Variants in MINDY3 observed in about 807,000 individuals in gnomAD.
MINDY3 encodes ubiquitin carboxyl-terminal hydrolase MINDY-3.
In MINDY3, 38 loss-of-function variants were observed where a neutral mutation model predicts 69.2. The observed-to-expected ratio is 0.55, with a 90% CI of 0.42 to 0.72. The LOEUF is 0.72. Ranked by LOEUF, MINDY3 falls within the 30% of genes least tolerant of loss-of-function variation. The pLI is 0.00. For synonymous variants in MINDY3, 192 were observed against 180.1 expected (o/e 1.07, Z -0.53); for missense variants, 522 against 519.0 (o/e 1.01, Z -0.06).
chr10:15,822,841 A>G (rs1839860814), intron 8 of MINDY3, among the ~76,000 whole-genome samples: 1 of 152,162 alleles, frequency 6.6e-6, no homozygotes, highest in South Asian at 2.1e-4. Flanking sequence ...TAAAAATGTG[A>G]TAATAATAAA....
At chr10:15,814,802 G>A (rs1423619186) in intron 10 of MINDY3, among the ~76,000 whole-genome samples, 1 of 152,064 alleles carries the variant, frequency 6.6e-6, no homozygotes, top group African/African-American at 2.4e-5. Flanking sequence ...TATCAGGACA[G>A]GTAGGAAGAG....
chr10:15,848,646 AAAAAAAAAAAAAAAAAGAAAG>A (rs1414088277), intron 1 of MINDY3, among the ~76,000 whole-genome samples: 5 of 136,444 alleles, frequency 3.7e-5, no homozygotes, highest in African/African-American at 1.3e-4. Context: ...AAAAAAAAAA[AAAAAAAAAAAAAAAAAGAAAG>A]AAAAATTAAA....
chr10:15,843,297 A>T, intron 2 of MINDY3, 25 bp from the exon 3 acceptor site: 1 of 1,551,148 alleles, frequency 6.4e-7, no homozygotes. Context: ...AGCAATAATT[A>T]GTGAAATGCA....
rs1378630473 is a variant in MINDY3, at chr10:15,837,188, ATCT to A, written c.576+13_576+15del. The A allele has an allele frequency of 4.8e-6, 7 of 1,452,726 alleles. No homozygotes were observed. In the Admixed American group the frequency reaches 1.4e-4, roughly 28 times the overall value. The allele number at this position is 1,452,726 out of a possible 1,614,324, so 90.0% of individuals were successfully genotyped here. The stretch of plus-strand genomic sequence containing the variant: ...AACATTAATCAAAGGCAGAAAAATC[ATCT>A]TCTTGAACACACCTTTGTCAGTAAT... On this transcript the variant is annotated intron_variant, in intron 6 of 14. Coordinates refer to ENST00000277632, the MANE Select transcript of MINDY3 (RefSeq NM_024948.4).
At chr10:15,789,033 C>T in intron 12 of MINDY3, 2 of 411,698 alleles carry the variant, frequency 4.9e-6, no homozygotes, top group Non-Finnish European at 8.8e-6. Flanking sequence ...AAAAGCAGGA[C>T]AGTAATTGCT....
chr10:15,854,878 A>C (rs1419238950), intron 1 of MINDY3, among the ~76,000 whole-genome samples: 1 of 152,104 alleles, frequency 6.6e-6, no homozygotes, highest in Admixed American at 6.5e-5. Context: ...ATGTTAAAAC[A>C]ACCAAATTTA....
At chr10:15,832,155 C>G (rs1009921627) in intron 8 of MINDY3, among the ~76,000 whole-genome samples, 1 of 152,116 alleles carries the variant, frequency 6.6e-6, no homozygotes, top group Admixed American at 6.5e-5. Flanking sequence ...ATGAACCACA[C>G]TGATGAGTAC....
intron 10 of MINDY3, among the ~76,000 whole-genome samples, chr10:15,805,181 T>C (rs117781858): frequency 0.021 from 3,196 of 152,036 alleles, 48 homozygotes; most frequent in Middle Eastern, 0.034. Context: ...CCGTCAAGCT[T>C]TTCTTGAAGT....
intron 8 of MINDY3, among the ~76,000 whole-genome samples, chr10:15,824,556 C>A (rs1321539319): frequency 6.6e-6 from 1 of 152,136 alleles, no homozygotes; most frequent in Non-Finnish European, 1.5e-5. Flanking sequence ...AGGAGAAGAA[C>A]AGCCCAAATA....
Position 15,779,658 on chromosome 10 carries a change from C to T in MINDY3, c.1189-517G>A, listed in dbSNP as rs146301272. Among the ~76,000 whole-genome samples the T allele has an allele frequency of 5.0e-3, 764 of 152,190 alleles. 10 individuals are homozygous for T. The highest frequency in any genetic ancestry group is 0.017 in the African/African-American group (725 of 41,530). ...CCAATTTGAATGTTTGTCAACAAAACTTGCTATTATGGTATTAAATATTCC... is the reference window on the plus strand; with the variant it reads ...CCAATTTGAATGTTTGTCAACAAAATTTGCTATTATGGTATTAAATATTCC... On this transcript the variant is annotated intron_variant, in intron 14 of 14. Coordinates refer to ENST00000277632, the MANE Select transcript of MINDY3 (RefSeq NM_024948.4).
chr10:15,779,571 T>C (rs1361764912), intron 14 of MINDY3, among the ~76,000 whole-genome samples: 1 of 152,188 alleles, frequency 6.6e-6, no homozygotes, highest in Non-Finnish European at 1.5e-5. Flanking sequence ...GGAATATAGC[T>C]ATTATGTTCT....
chr10:15,860,310 C>T lies in MINDY3; in HGVS notation c.-11G>A. Reference sequence around the variant, plus strand: ...AGTCAGTTCGGACATGATGAGGAACCGGCGGGCGGATCTTCGCTTTGCGGA... The same window carrying T: ...AGTCAGTTCGGACATGATGAGGAACTGGCGGGCGGATCTTCGCTTTGCGGA... On this transcript the variant is annotated 5_prime_UTR_variant, in exon 1 of 15. Transcript: ENST00000277632. The T allele has an allele frequency of 6.3e-7, 1 of 1,582,288 alleles. No individual in the cohort carries two copies. The highest frequency in any genetic ancestry group is 8.6e-7 in the Non-Finnish European group (1 of 1,162,004).
At chr10:15,830,596 C>T (rs1255423971) in intron 8 of MINDY3, among the ~76,000 whole-genome samples, 2 of 152,298 alleles carry the variant, frequency 1.3e-5, no homozygotes, top group South Asian at 2.1e-4. Flanking sequence ...CCACAGTACA[C>T]CTGAGAGGCA....
At chr10:15,847,811 A>G in intron 2 of MINDY3, 53 bp downstream of exon 2, 1 of 1,292,994 alleles carries the variant, frequency 7.7e-7, no homozygotes, top group Non-Finnish European at 1.1e-6. Flanking sequence ...AACGACAAGT[A>G]TGAAACGTTT....
chr10:15,808,891 T>C (rs544768975), intron 10 of MINDY3, among the ~76,000 whole-genome samples: 1 of 152,286 alleles, frequency 6.6e-6, no homozygotes, highest in African/African-American at 2.4e-5. Context: ...CTAGATGCTA[T>C]AGGCAGGGTC....
At chr10:15,844,172 A>G (rs2132100448) in intron 2 of MINDY3, among the ~76,000 whole-genome samples, 1 of 152,330 alleles carries the variant, frequency 6.6e-6, no homozygotes, top group South Asian at 2.1e-4. Flanking sequence ...CACTTAGCAC[A>G]GTACCTGGCA....
intron 4 of MINDY3, among the ~76,000 whole-genome samples, chr10:15,841,022 G>A (rs1833430686): frequency 6.6e-6 from 1 of 151,364 alleles, no homozygotes. Flanking sequence ...CCCCATCTTT[G>A]CTCTGGGAAG....
At chr10:15,788,724 A>ATGAC (rs1219471037) in intron 12 of MINDY3, 1 of 152,480 alleles carries the variant, frequency 6.6e-6, no homozygotes. Context: ...AATGAAGACA[A>ATGAC]TGACAGGATC....
At chr10:15,826,199 T>G (rs1446561786) in intron 8 of MINDY3, among the ~76,000 whole-genome samples, 1 of 152,168 alleles carries the variant, frequency 6.6e-6, no homozygotes, top group Non-Finnish European at 1.5e-5. Flanking sequence ...GGATTTTATT[T>G]TAAGTGCGTA....
Sources: allele counts gnomAD v4.1 joint callset (sites outside exome capture counted in the v4.1 genomes callset), GRCh38; gene constraint gnomAD v4.1.1; transcripts MANE v1.5; gene names NCBI Gene and HGNC (gene_info 2026-07-23, HGNC 2026-07-21).